The following LPP variants were observed in gnomAD, a reference collection of about 807,000 sequenced individuals.
LPP encodes lipoma-preferred partner.
A neutral mutation model predicts 60.4 loss-of-function variants in LPP; 38 were observed. The observed-to-expected ratio is 0.63, with a 90% confidence interval of 0.49 to 0.83. LPP has a LOEUF of 0.83. Ranked by LOEUF, LPP falls within the 40% of genes least tolerant of loss-of-function variation. The pLI is 0.00. For missense variants in LPP, 902 were observed against 783.6 expected (o/e 1.15, Z -1.80); for synonymous variants, 328 against 290.8 (o/e 1.13, Z -1.30).
intron 2 of LPP, among the ~76,000 whole-genome samples, chr3:188,305,582 G>A (rs995230416): frequency 1.3e-5 from 2 of 151,920 alleles, no homozygotes; most frequent in Non-Finnish European, 2.9e-5. Context: ...TTTTCTCAAC[G>A]CAACACACAC....
intron 6 of LPP, among the ~76,000 whole-genome samples, chr3:188,607,677 A>T: frequency 6.6e-6 from 1 of 151,840 alleles, no homozygotes; most frequent in African/African-American, 2.4e-5. Context: ...TTTTATTATG[A>T]TTTAACATTT....
intron 5 of LPP, among the ~76,000 whole-genome samples, chr3:188,503,449 A>G (rs1812511579): frequency 6.6e-6 from 1 of 152,176 alleles, no homozygotes; most frequent in Non-Finnish European, 1.5e-5. Flanking sequence ...GAAAACAAAA[A>G]GTAAAGTCAC....
intron 9 of LPP, among the ~76,000 whole-genome samples, chr3:188,804,283 A>ATATATATATATATATATAT (rs1553853277): frequency 5.4e-4 from 69 of 126,674 alleles, no homozygotes; most frequent in Middle Eastern, 3.8e-3. Context: ...ATATATATAT[A>ATATATATATATATATATAT]AAATGGAATA....
intron 9 of LPP, among the ~76,000 whole-genome samples, chr3:188,808,089 G>T (rs963735103): frequency 6.6e-6 from 1 of 152,078 alleles, no homozygotes; most frequent in Non-Finnish European, 1.5e-5. Flanking sequence ...TGTTGTTGCT[G>T]TGATTCCCCT....
intron 3 of LPP, among the ~76,000 whole-genome samples, chr3:188,397,928 T>C (rs925782445): frequency 2.6e-5 from 4 of 152,188 alleles, no homozygotes; most frequent in Non-Finnish European, 2.9e-5. Flanking sequence ...CTCACTTCTT[T>C]ATCTGAGACA....
At chr3:188,512,971 A>G (rs1490511044) in intron 5 of LPP, among the ~76,000 whole-genome samples, 2 of 152,206 alleles carry the variant, frequency 1.3e-5, no homozygotes, top group Non-Finnish European at 1.5e-5. Flanking sequence ...AAATCCACAC[A>G]ATTGTTGCAC....
At chr3:188,227,726 G>C (rs1001554263) in intron 2 of LPP, among the ~76,000 whole-genome samples, 1 of 152,086 alleles carries the variant, frequency 6.6e-6, no homozygotes, top group African/African-American at 2.4e-5. Context: ...TTTACCTCAT[G>C]GGCCATGAGA....
intron 9 of LPP, among the ~76,000 whole-genome samples, chr3:188,833,123 C>A (rs1757522449): frequency 6.6e-6 from 1 of 152,084 alleles, no homozygotes; most frequent in African/African-American, 2.4e-5. Context: ...CAAATGATTG[C>A]AAATGATGAT....
At chr3:188,156,119 A>G (rs1283369735) in intron 1 of LPP, among the ~76,000 whole-genome samples, 1 of 152,224 alleles carries the variant, frequency 6.6e-6, no homozygotes, top group Non-Finnish European at 1.5e-5. Flanking sequence ...TTTATAGTCT[A>G]GAATGTAGGC....
intron 2 of LPP, among the ~76,000 whole-genome samples, chr3:188,340,721 AT>A (rs1187266945): frequency 7.2e-5 from 11 of 152,250 alleles, no homozygotes; most frequent in Non-Finnish European, 1.5e-4. Flanking sequence ...GAAACTTTTG[AT>A]TTTAAAATCT....
At chr3:188,175,984 G>A (rs942071929) in intron 1 of LPP, among the ~76,000 whole-genome samples, 3 of 152,138 alleles carry the variant, frequency 2.0e-5, no homozygotes, top group African/African-American at 7.2e-5. Flanking sequence ...GACCAGATGA[G>A]AGAGCCAGAT....
At chr3:188,740,230 C>A (rs1577288347) in intron 8 of LPP, among the ~76,000 whole-genome samples, 1 of 151,984 alleles carries the variant, frequency 6.6e-6, no homozygotes, top group South Asian at 2.1e-4. Context: ...GCAATAGGGA[C>A]CATGTTGCCT....
At chr3:188,855,549 G>A (rs1763641044) in intron 9 of LPP, among the ~76,000 whole-genome samples, 1 of 152,206 alleles carries the variant, frequency 6.6e-6, no homozygotes, top group African/African-American at 2.4e-5. Flanking sequence ...TTTGGGGGAT[G>A]TCTATGGGAG....
In LPP at chr3:188,253,570, A is replaced by T. The variant is rs1025247806; in HGVS notation, c.-67+28043A>T. 3.9e-5 allele frequency among the ~76,000 whole-genome samples: 6 copies of T among 152,318 alleles called. No homozygotes were observed. In the South Asian group the frequency reaches 1.2e-3, roughly 32 times the overall value. The stretch of plus-strand genomic sequence containing the variant: ...ACACCATGACTAGGTGTGAAGGAGA[A>T]TGATGGTAAACAGTGGAACAGGGTA... On this transcript the variant is annotated intron_variant, in intron 2 of 11. Transcript: ENST00000617246.
At chr3:188,558,017 A>G (rs1385409415) in intron 6 of LPP, among the ~76,000 whole-genome samples, 1 of 152,094 alleles carries the variant, frequency 6.6e-6, no homozygotes, top group East Asian at 1.9e-4. Flanking sequence ...AGCAGAAAGC[A>G]TGCGTGTTTG....
intron 11 of LPP, among the ~76,000 whole-genome samples, chr3:188,873,946 C>T: frequency 6.6e-6 from 1 of 152,078 alleles, no homozygotes; most frequent in Admixed American, 6.6e-5. Context: ...CCTGTGCATG[C>T]ATTTTGAGAG....
At chr3:188,686,190 T>C (rs1860673934) in intron 7 of LPP, among the ~76,000 whole-genome samples, 1 of 152,180 alleles carries the variant, frequency 6.6e-6, no homozygotes, top group Non-Finnish European at 1.5e-5. Flanking sequence ...TATTACTCAA[T>C]AAATGTAGCC....
At chr3:188,432,344 T>C (rs1791108792) in intron 4 of LPP, among the ~76,000 whole-genome samples, 1 of 152,188 alleles carries the variant, frequency 6.6e-6, no homozygotes, top group Non-Finnish European at 1.5e-5. Context: ...TATCTGTGTA[T>C]ACAGCGATAG....
intron 2 of LPP, chr3:188,247,273 A>AC: frequency 1.6e-6 from 1 of 620,506 alleles, no homozygotes; most frequent in Non-Finnish European, 2.0e-6. Flanking sequence ...AAAAAAAAAA[A>AC]ACGCTGAGGC....
Sources: gnomAD v4.1 joint callset for allele counts (sites outside exome capture counted in the v4.1 genomes callset) on GRCh38, gnomAD v4.1.1 for gene constraint, MANE v1.5 for transcripts, NCBI Gene and HGNC (gene_info 2026-07-23, HGNC 2026-07-21) for gene names.